The following LDLRAD4 variants were observed in gnomAD, a reference collection of about 807,000 sequenced individuals.
The protein encoded by LDLRAD4 is low-density lipoprotein receptor class A domain-containing protein 4.
In LDLRAD4, 5 loss-of-function variants were observed where a neutral mutation model predicts 17.0. The observed-to-expected ratio is 0.29, with a 90% CI of 0.15 to 0.62. LDLRAD4 has a LOEUF of 0.62. Ranked by LOEUF, LDLRAD4 falls within the 20% of genes least tolerant of loss-of-function variation. LDLRAD4 has a pLI of 0.84. For synonymous variants in LDLRAD4, 168 were observed against 171.8 expected, an observed-to-expected ratio of 0.98 and a Z score of 0.17; for missense variants, 340 against 424.7, an observed-to-expected ratio of 0.80 and a Z score of 1.75.
At chr18:13,560,724 G>A (rs150601006) in intron 3 of LDLRAD4, among the ~76,000 whole-genome samples, 5 of 152,296 alleles carry the variant, frequency 3.3e-5, no homozygotes, top group South Asian at 2.1e-4. Flanking sequence ...CCTTTTCAGC[G>A]TCAGCTTTTT....
At chr18:13,492,419 G>A (rs1273822199) in intron 3 of LDLRAD4, among the ~76,000 whole-genome samples, 6 of 152,242 alleles carry the variant, frequency 3.9e-5, no homozygotes, top group Non-Finnish European at 8.8e-5. Context: ...AGTATTAACA[G>A]ATGGAGTTGG....
intron 1 of LDLRAD4, among the ~76,000 whole-genome samples, chr18:13,299,844 T>TA (rs1318327752): frequency 3.1e-4 from 46 of 148,494 alleles, no homozygotes; most frequent in Middle Eastern, 6.9e-3. Context: ...CCCTGTCTCT[T>TA]AAAAAAAAAA....
intron 3 of LDLRAD4, among the ~76,000 whole-genome samples, chr18:13,556,524 A>G (rs2094485656): frequency 6.6e-6 from 1 of 152,194 alleles, no homozygotes; most frequent in African/African-American, 2.4e-5. Context: ...TTATAAAGAA[A>G]AATCATGAGC....
chr18:13,247,695 T>C (rs1036778785), intron 1 of LDLRAD4, among the ~76,000 whole-genome samples: 1 of 152,130 alleles, frequency 6.6e-6, no homozygotes, highest in African/African-American at 2.4e-5. Flanking sequence ...CTGCAAAGTT[T>C]GTGCCTGGCG....
intron 1 of LDLRAD4, among the ~76,000 whole-genome samples, chr18:13,260,788 A>G (rs148328577): frequency 2.0e-5 from 3 of 152,224 alleles, no homozygotes; most frequent in South Asian, 2.1e-4. Context: ...TCCGGTGACT[A>G]CCATGGTGTG....
intron 1 of LDLRAD4, among the ~76,000 whole-genome samples, chr18:13,265,591 G>A (rs2044171350): frequency 6.6e-6 from 1 of 152,178 alleles, no homozygotes; most frequent in African/African-American, 2.4e-5. Flanking sequence ...TTTTTCTTGA[G>A]AAATAAATCT....
intron 3 of LDLRAD4, among the ~76,000 whole-genome samples, chr18:13,465,838 T>C (rs941653430): frequency 6.6e-6 from 1 of 152,188 alleles, no homozygotes; most frequent in Non-Finnish European, 1.5e-5. Flanking sequence ...GTATAAACCG[T>C]AATGCTGTAA....
intron 3 of LDLRAD4, chr18:13,585,563 C>G (rs1443353581): frequency 6.6e-6 from 1 of 152,188 alleles, no homozygotes; most frequent in Non-Finnish European, 1.5e-5. Flanking sequence ...AGCCTTCATA[C>G]AGACTTCCTC....
chr18:13,580,280 G>T (rs2094838428), intron 3 of LDLRAD4, among the ~76,000 whole-genome samples: 1 of 152,232 alleles, frequency 6.6e-6, no homozygotes, highest in Non-Finnish European at 1.5e-5. Context: ...AGGCTGCCTG[G>T]GTCTAGGCAC....
chr18:13,643,324 G>A, intron 4 of LDLRAD4, 35 bp from the exon 6 acceptor site: 3 of 1,398,698 alleles, frequency 2.1e-6, no homozygotes, highest in Non-Finnish European at 1.9e-6. Flanking sequence ...TCTGTTTCTT[G>A]TTCCCCCCAC....
intron 1 of LDLRAD4, among the ~76,000 whole-genome samples, chr18:13,319,500 C>A (rs1356514796): frequency 2.0e-5 from 3 of 152,210 alleles, no homozygotes; most frequent in Non-Finnish European, 2.9e-5. Context: ...GCAGCAAAGA[C>A]AAATTCATTA....
rs1291847338 is a variant in LDLRAD4 at position 13,404,254 on chromosome 18, A to T, written c.40+16492A>T. ...CAGGCCCCTTCCCCTGGGGGGCATC[A>T]CTGTTCCCTTGCTCTGCATCCCCGC... On this transcript the variant is annotated intron_variant, in intron 2 of 5. Transcript: ENST00000359446. 2.0e-5 allele frequency among the ~76,000 whole-genome samples: 3 copies of T among 152,270 alleles called. No individual in the cohort carries two copies. In the East Asian group the frequency reaches 5.8e-4, roughly 29 times the overall value.
chr18:13,345,627 T>G (rs1339275836), intron 1 of LDLRAD4, among the ~76,000 whole-genome samples: 4 of 152,156 alleles, frequency 2.6e-5, no homozygotes, highest in Admixed American at 2.6e-4. Context: ...CCCTCTTTTT[T>G]TATTGATTGG....
chr18:13,463,221 G>T (rs1429492673), intron 3 of LDLRAD4, among the ~76,000 whole-genome samples: 1 of 152,160 alleles, frequency 6.6e-6, no homozygotes, highest in Admixed American at 6.5e-5. Context: ...TGGCCTTATG[G>T]GATGGGTGAC....
At chr18:13,297,651 T>G (rs2046347430) in intron 1 of LDLRAD4, among the ~76,000 whole-genome samples, 1 of 152,086 alleles carries the variant, frequency 6.6e-6, no homozygotes, top group South Asian at 2.1e-4. Flanking sequence ...TTTAAAGAAA[T>G]TAGCTGGGCA....
At chr18:13,550,166 A>G (rs1463560357) in intron 3 of LDLRAD4, among the ~76,000 whole-genome samples, 1 of 152,152 alleles carries the variant, frequency 6.6e-6, no homozygotes, top group Non-Finnish European at 1.5e-5. Context: ...CAACATGACA[A>G]TGTAAGTTCT....
At chr18:13,338,966 A>G (rs570283066) in intron 1 of LDLRAD4, among the ~76,000 whole-genome samples, 2 of 152,290 alleles carry the variant, frequency 1.3e-5, no homozygotes, top group East Asian at 1.9e-4. Context: ...TTAAAAATTT[A>G]TAAAATGTTA....
chr18:13,496,248 GAGTCTGT>G (rs1319034708), intron 3 of LDLRAD4, among the ~76,000 whole-genome samples: 5 of 152,304 alleles, frequency 3.3e-5, no homozygotes, highest in African/African-American at 1.2e-4. Flanking sequence ...GAAGATGGTG[GAGTCTGT>G]TCCTCTGGAA....
Position 13,383,082 on chromosome 18 carries a change from G to A in LDLRAD4, c.-382-4259G>A, listed in dbSNP as rs146738917. ...AACCAGCCCGGAGGGTCCCAGCCAA[G>A]CAGGCTGAGGAGCAGCACCTCCACC... On this transcript the variant is annotated intron_variant, in intron 1 of 5. Coordinates refer to ENST00000359446, the Ensembl canonical transcript of LDLRAD4. Among the ~76,000 whole-genome samples the A allele has an allele frequency of 8.5e-5, 13 of 152,360 alleles. 1 individual carries two copies. The East Asian group carries it at 2.5e-3, about 29-fold the overall frequency.
Sources: allele counts gnomAD v4.1 joint callset (sites outside exome capture counted in the v4.1 genomes callset), GRCh38; gene constraint gnomAD v4.1.1; transcripts MANE v1.5; gene names NCBI Gene and HGNC (gene_info 2026-07-23, HGNC 2026-07-21).